The following KLRG1 variants were observed in gnomAD, a reference collection of about 807,000 sequenced individuals.
The protein encoded by KLRG1 is killer cell lectin-like receptor subfamily G member 1.
Under a neutral mutation model 21.8 loss-of-function variants are expected in KLRG1, and 16 were observed. The ratio of observed to expected loss-of-function variants is 0.73; its 90% CI spans 0.50 to 1.11. The LOEUF (loss-of-function observed/expected upper bound fraction) is 1.11, where lower values mean the gene tolerates loss of function less well. KLRG1 is among the 50% of genes most tolerant of loss of function. KLRG1 has a pLI of 0.00. For missense variants in KLRG1, 173 were observed against 218.3 expected (o/e 0.79, Z 1.31); for synonymous variants, 69 against 75.9 (o/e 0.91, Z 0.47).
chr12:8,989,842 T>C, intron 1 of KLRG1, 125 bp downstream of exon 1: 1 of 628,664 alleles, frequency 1.6e-6, no homozygotes, highest in East Asian at 2.8e-5. Flanking sequence ...GAAATACTTT[T>C]GGTTCAGTTT....
chr12:9,098,532 C>T, the KLRG1 span: 1 of 1,499,848 alleles, frequency 6.7e-7, no homozygotes, highest in South Asian at 1.2e-5. Context: ...TCTTATCCTA[C>T]TTATCCAGTC....
the KLRG1 span, among the ~76,000 whole-genome samples, chr12:9,040,978 G>A: frequency 6.6e-6 from 1 of 152,230 alleles, no homozygotes; most frequent in African/African-American, 2.4e-5. Flanking sequence ...TGTGCAAAAT[G>A]CTGTGACAGA....
At position 8,974,690 on chromosome 12, in the gene KLRG1, A is replaced by G. The variant is rs771765513; in HGVS notation, c.-155-17516A>G. ...ACATTCATTGATTTGCTAGTGTTGA[A>G]TCATTCTTACAATCCAGGGATAAAT... On this transcript the variant is annotated intron_variant, in intron 1 of 4. Coordinates refer to the KLRG1 transcript ENST00000539240. 2.8e-4 allele frequency among the ~76,000 whole-genome samples: 43 copies of G among 152,230 alleles called. 1 individual carries two copies. The East Asian group carries it at 4.1e-3, about 14-fold the overall frequency.
At chr12:9,140,400 A>G in the KLRG1 span, among the ~76,000 whole-genome samples, 1 of 152,158 alleles carries the variant, frequency 6.6e-6, no homozygotes, top group South Asian at 2.1e-4. Flanking sequence ...ACTCGGCCCA[A>G]TTGGTTGAGA....
chr12:9,027,936 T>A, the KLRG1 span: 1 of 902,816 alleles, frequency 1.1e-6, no homozygotes, highest in Non-Finnish European at 1.8e-6. Context: ...GCTAGCTCTC[T>A]CTTGCTTTGA....
At chr12:9,063,184 A>C in the KLRG1 span, among the ~76,000 whole-genome samples, 2 of 152,200 alleles carry the variant, frequency 1.3e-5, no homozygotes, top group African/African-American at 2.4e-5. Flanking sequence ...TTCTTGATTA[A>C]ACAATAGGGT....
the KLRG1 span, among the ~76,000 whole-genome samples, chr12:9,207,950 C>T: frequency 7.2e-5 from 11 of 152,106 alleles, no homozygotes; most frequent in Non-Finnish European, 1.3e-4. Flanking sequence ...CTATATATTT[C>T]GAATATCTCT....
the KLRG1 span, among the ~76,000 whole-genome samples, chr12:9,198,437 A>C: frequency 2.0e-5 from 3 of 152,176 alleles, no homozygotes; most frequent in African/African-American, 7.2e-5. Context: ...CTGTATACCA[A>C]GTGAGCAAAT....
the KLRG1 span, among the ~76,000 whole-genome samples, chr12:9,163,378 G>A: frequency 3.3e-5 from 5 of 151,602 alleles, no homozygotes; most frequent in Admixed American, 6.6e-5. Context: ...GCATGAACCC[G>A]GGAGGCAGAG....
the KLRG1 span, among the ~76,000 whole-genome samples, chr12:9,180,783 A>G: frequency 6.6e-6 from 1 of 152,270 alleles, no homozygotes; most frequent in Admixed American, 6.5e-5. Context: ...TGGCAACAAA[A>G]GACAAAATTG....
chr12:9,148,965 A>G, the KLRG1 span: 2 of 1,608,466 alleles, frequency 1.2e-6, no homozygotes, highest in African/African-American at 1.3e-5. Context: ...TACAGCCTGT[A>G]TGGTCCTCAA....
the KLRG1 span, chr12:9,072,378 G>A: frequency 1.2e-6 from 2 of 1,613,942 alleles, no homozygotes; most frequent in Non-Finnish European, 1.7e-6. Context: ...AGGGAGATTT[G>A]GAAGCTGGTG....
the KLRG1 span, among the ~76,000 whole-genome samples, chr12:9,123,859 G>A: frequency 7.2e-6 from 1 of 138,112 alleles, no homozygotes; most frequent in African/African-American, 3.1e-5. Context: ...TTTTTTTCGC[G>A]GAAAATGCAA....
At chr12:9,196,600 ACTCTAAGC>A in the KLRG1 span, 12 of 1,612,314 alleles carry the variant, frequency 7.4e-6, no homozygotes, top group Admixed American at 2.0e-4. Flanking sequence ...CCTGGCTTCC[ACTCTAAGC>A]TTCATTTCAA....
At chr12:9,203,898 C>T in the KLRG1 span, 1 of 1,613,970 alleles carries the variant, frequency 6.2e-7, no homozygotes, top group Non-Finnish European at 8.5e-7. Context: ...AAGGACACAG[C>T]CCTTCTTAGG....
chr12:9,186,550 A>G, the KLRG1 span, among the ~76,000 whole-genome samples: 1 of 152,170 alleles, frequency 6.6e-6, no homozygotes, highest in Non-Finnish European at 1.5e-5. Flanking sequence ...AGATAAAGGA[A>G]AGGAGAAAAA....
the KLRG1 span, among the ~76,000 whole-genome samples, chr12:9,133,663 C>T: frequency 9.9e-5 from 15 of 152,132 alleles, no homozygotes; most frequent in African/African-American, 3.6e-4. Flanking sequence ...GCAAGTTATA[C>T]AGCATTATAG....
chr12:9,169,698 T>C, the KLRG1 span: 1 of 1,062,704 alleles, frequency 9.4e-7, no homozygotes, highest in Non-Finnish European at 1.3e-6. Context: ...CTTGAGTACG[T>C]TCATGTAGTT....
chr12:9,088,676 A>G, the KLRG1 span, among the ~76,000 whole-genome samples: 2 of 152,274 alleles, frequency 1.3e-5, no homozygotes, highest in East Asian at 3.9e-4. Flanking sequence ...TTTTTCCTGT[A>G]AGTTTCTTCA....
Sources: allele counts gnomAD v4.1 joint callset (sites outside exome capture counted in the v4.1 genomes callset), GRCh38; gene constraint gnomAD v4.1.1; transcripts MANE v1.5; gene names NCBI Gene and HGNC (gene_info 2026-07-23, HGNC 2026-07-21).